C12orf42: variants seen among roughly 807,000 people sequenced by gnomAD.
The protein encoded by C12orf42 is chromosome 12 open reading frame 42.
Under a neutral mutation model 21.6 loss-of-function variants are expected in C12orf42, and 25 were observed. That is an observed-to-expected ratio of 1.16 (90% CI 0.84 to 1.62). The LOEUF is 1.62. C12orf42 is among the 40% of genes most tolerant of loss of function. C12orf42 has a pLI of 0.00. For synonymous variants in C12orf42, 174 were observed against 175.0 expected (o/e 0.99, Z 0.05); for missense variants, 483 against 459.3 (o/e 1.05, Z -0.47).
chr12:103,364,044 T>A (rs1227688879), intron 4 of C12orf42, among the ~76,000 whole-genome samples: 1 of 152,126 alleles, frequency 6.6e-6, no homozygotes, highest in Admixed American at 6.6e-5. Flanking sequence ...AGAATATACA[T>A]TCCATTCATC....
intron 4 of C12orf42, among the ~76,000 whole-genome samples, chr12:103,335,737 T>C (rs1479147225): frequency 1.3e-5 from 2 of 152,190 alleles, no homozygotes; most frequent in Non-Finnish European, 2.9e-5. Flanking sequence ...CATCCTACCA[T>C]GGCAGAAGTC....
At chr12:103,157,303 C>T in the C12orf42 span, among the ~76,000 whole-genome samples, 1 of 152,056 alleles carries the variant, frequency 6.6e-6, no homozygotes, top group Admixed American at 6.6e-5. Context: ...ATCCTTTGTC[C>T]ACTTTTTGAT....
At chr12:103,234,653 T>A (rs940830093), downstream of C12orf42, among the ~76,000 whole-genome samples, 1 of 152,156 alleles carries the variant, frequency 6.6e-6, no homozygotes, top group Non-Finnish European at 1.5e-5. Flanking sequence ...CCACTTAACT[T>A]GCTTTGTTTT....
the C12orf42 span, among the ~76,000 whole-genome samples, chr12:103,188,498 G>T: frequency 6.6e-6 from 1 of 152,068 alleles, no homozygotes; most frequent in East Asian, 1.9e-4. Context: ...TATGCGATAT[G>T]GTTTGGATAT....
At chr12:103,147,623 C>CA in the C12orf42 span, among the ~76,000 whole-genome samples, 1 of 99,282 alleles carries the variant, frequency 1.0e-5, no homozygotes, top group East Asian at 2.9e-4. Flanking sequence ...TTCTCTCTCT[C>CA]TTTTTTTTTT....
intron 10 of C12orf42, among the ~76,000 whole-genome samples, chr12:103,244,280 T>C (rs1472478215): frequency 6.6e-6 from 1 of 152,084 alleles, no homozygotes; most frequent in Non-Finnish European, 1.5e-5. Flanking sequence ...GATTGGCAGA[T>C]ACCCTCTAAA....
chr12:103,081,902 G>T, the C12orf42 span, among the ~76,000 whole-genome samples: 1 of 152,010 alleles, frequency 6.6e-6, no homozygotes, highest in Admixed American at 6.6e-5. Flanking sequence ...GATATGTTTT[G>T]CATTGTGGTT....
intron 4 of C12orf42, among the ~76,000 whole-genome samples, chr12:103,351,749 T>C (rs1280064532): frequency 1.3e-5 from 2 of 152,124 alleles, no homozygotes; most frequent in Non-Finnish European, 2.9e-5. Context: ...CTGGCCTAGA[T>C]GTGTCTAGAA....
intron 2 of C12orf42, among the ~76,000 whole-genome samples, chr12:103,406,170 C>G (rs1156430523): frequency 6.6e-6 from 1 of 152,178 alleles, no homozygotes; most frequent in Non-Finnish European, 1.5e-5. Context: ...TCCAGGGCTT[C>G]TTACATTTTA....
chr12:103,087,814 T>C, the C12orf42 span, among the ~76,000 whole-genome samples: 1 of 152,260 alleles, frequency 6.6e-6, no homozygotes, highest in East Asian at 1.9e-4. Context: ...CACCATTTTA[T>C]TCAACAGGAC....
chr12:103,210,554 T>C, the C12orf42 span, among the ~76,000 whole-genome samples: 5 of 151,938 alleles, frequency 3.3e-5, no homozygotes, highest in Admixed American at 1.3e-4. Flanking sequence ...CCTTTGCCTC[T>C]TTTATGGGCT....
At chr12:103,075,761 C>A in the C12orf42 span, among the ~76,000 whole-genome samples, 6 of 152,104 alleles carry the variant, frequency 3.9e-5, no homozygotes, top group Non-Finnish European at 7.3e-5. Flanking sequence ...CATTTATGAA[C>A]AATGGAAGGT....
At chr12:103,425,981 C>T in intron 2 of C12orf42, among the ~76,000 whole-genome samples, 1 of 152,162 alleles carries the variant, frequency 6.6e-6, no homozygotes, top group East Asian at 1.9e-4. Flanking sequence ...AAGACCAAAG[C>T]TAGATAAATC....
chr12:103,247,813 T>C (rs528534101), intron 10 of C12orf42, among the ~76,000 whole-genome samples: 24 of 152,168 alleles, frequency 1.6e-4, no homozygotes, highest in Admixed American at 4.6e-4. Flanking sequence ...TAGCCATAAT[T>C]GAACTGTTTA....
the C12orf42 span, among the ~76,000 whole-genome samples, chr12:103,177,866 T>TGC: frequency 1.6e-5 from 2 of 123,018 alleles, no homozygotes; most frequent in African/African-American, 2.7e-5. Context: ...TTTGTGTGTG[T>TGC]GTGTGTGTGC....
At chr12:103,052,872 A>G in the C12orf42 span, among the ~76,000 whole-genome samples, 3 of 152,052 alleles carry the variant, frequency 2.0e-5, no homozygotes, top group African/African-American at 7.2e-5. Context: ...CATATGGATA[A>G]TCAGTTGAAA....
intron 2 of C12orf42, among the ~76,000 whole-genome samples, chr12:103,440,448 C>T (rs1435302316): frequency 1.5e-5 from 1 of 65,176 alleles, no homozygotes. Flanking sequence ...ATAAAAGCCT[C>T]ACAGATACCA....
At chr12:103,334,618 C>G (rs1018052978) in intron 4 of C12orf42, among the ~76,000 whole-genome samples, 2 of 152,104 alleles carry the variant, frequency 1.3e-5, no homozygotes, top group African/African-American at 2.4e-5. Context: ...AGAGACAGGG[C>G]TGCCACTAGA....
chr12:103,094,766 A>G, the C12orf42 span, among the ~76,000 whole-genome samples: 2 of 152,020 alleles, frequency 1.3e-5, no homozygotes, highest in African/African-American at 2.4e-5. Flanking sequence ...AAAAAAGATT[A>G]TTTCCTTCAT....
Sources: gnomAD v4.1 joint callset for allele counts (sites outside exome capture counted in the v4.1 genomes callset) on GRCh38, gnomAD v4.1.1 for gene constraint, MANE v1.5 for transcripts, NCBI Gene and HGNC (gene_info 2026-07-23, HGNC 2026-07-21) for gene names.